The following IGF2R variants were observed in gnomAD, a reference collection of about 807,000 sequenced individuals.
IGF2R encodes cation-independent mannose-6-phosphate receptor.
Under a neutral mutation model 270.6 loss-of-function variants are expected in IGF2R, and 91 were observed. That is an observed-to-expected ratio of 0.34 (90% CI 0.28 to 0.40). IGF2R has a LOEUF of 0.40. IGF2R is among the 10% of genes least tolerant of loss of function. IGF2R has a pLI of 1.00. For synonymous variants in IGF2R, 1,316 were observed against 1,258.9 expected (o/e 1.05, Z -0.96); for missense variants, 2,805 against 3,188.3 (o/e 0.88, Z 2.90).
chr6:159,993,086 C>G (rs1327778691), intron 2 of IGF2R, among the ~76,000 whole-genome samples: 2 of 152,120 alleles, frequency 1.3e-5, no homozygotes, highest in African/African-American at 2.4e-5. Context: ...CCTTTGCCCT[C>G]TTTTTAAAGG....
At chr6:160,096,725 C>A in intron 45 of IGF2R, 100 bp downstream of exon 45, 1 of 988,702 alleles carries the variant, frequency 1.0e-6, no homozygotes, top group Non-Finnish European at 1.5e-6. Context: ...GTGAAATATT[C>A]AGAACATGCA....
intron 6 of IGF2R, among the ~76,000 whole-genome samples, chr6:160,029,070 G>A (rs1161699685): frequency 6.6e-6 from 1 of 152,032 alleles, no homozygotes. Flanking sequence ...TGCAACCTCC[G>A]CCTCCCTGTT....
intron 17 of IGF2R, among the ~76,000 whole-genome samples, 180 bp from the exon 18 acceptor site, chr6:160,048,195 G>A (rs940741593): frequency 1.3e-5 from 2 of 152,252 alleles, no homozygotes; most frequent in Non-Finnish European, 2.9e-5. Context: ...TGCATACTGA[G>A]TTCAGCGAAG....
rs1167237312 is a variant in IGF2R at position 160,083,165 on chromosome 6, A to G, written c.5834-785A>G. Among the ~76,000 whole-genome samples, 4 of 152,368 alleles carry G rather than the reference A, an allele frequency of 2.6e-5. No individual in the cohort carries two copies. In the East Asian group the frequency reaches 7.7e-4, roughly 29 times the overall value. On this transcript the variant is annotated intron_variant, in intron 39 of 47. Transcript: ENST00000356956. ...CAGGGTGATGATAAGGAGAAGGTCA[A>G]CAAAAAACATGTGAGCAAAAGAATC...
intron 2 of IGF2R, 115 bp from the exon 3 acceptor site, chr6:160,008,895 A>C (rs1301080147): frequency 8.4e-6 from 9 of 1,075,984 alleles, no homozygotes; most frequent in African/African-American, 1.6e-5. Context: ...CAGTTTTATA[A>C]ATTTATAAGC....
intron 10 of IGF2R, among the ~76,000 whole-genome samples, chr6:160,034,939 A>C (rs562420074): frequency 1.5e-4 from 23 of 152,222 alleles, no homozygotes; most frequent in African/African-American, 5.3e-4. Flanking sequence ...CAAAGTGGTG[A>C]CCCTATGGTA....
chr6:160,048,148 T>A (rs1226935874), intron 17 of IGF2R, among the ~76,000 whole-genome samples: 1 of 152,196 alleles, frequency 6.6e-6, no homozygotes, highest in Non-Finnish European at 1.5e-5. Flanking sequence ...AAACAATGAC[T>A]GTCAGTGCAG....
intron 45 of IGF2R, among the ~76,000 whole-genome samples, chr6:160,100,277 C>G (rs1351764126): frequency 2.6e-5 from 4 of 151,688 alleles, no homozygotes; most frequent in Non-Finnish European, 5.9e-5. Context: ...CAGAAAAGAC[C>G]AAAGTCAAAG....
In IGF2R at chr6:160,004,838, G is replaced by C. The variant is rs545075379; in HGVS notation, c.290-4172G>C. The C allele has an allele frequency of 6.6e-6, 1 of 152,374 alleles. No homozygotes were observed. Among genetic ancestry groups the C allele is most frequent in the Admixed American group, 6.5e-5 (1 of 15,286 alleles). 9.4% of individuals were successfully genotyped at this position (152,374 alleles called of 1,614,324 possible). ...ACCAGGGAAAGCCAAACACCAAAGC[G>C]CAGGGTTTTTGCTGGAGAGAGTGGA... On this transcript the variant is annotated intron_variant, in intron 2 of 47. Transcript: ENST00000356956. This position sits in a 1 kb window ranked among gnomAD's most constrained non-coding sequence, Gnocchi z 5.2.
intron 44 of IGF2R, among the ~76,000 whole-genome samples, chr6:160,091,684 C>CGAAG (rs1430709678): frequency 6.6e-6 from 1 of 152,250 alleles, no homozygotes; most frequent in Admixed American, 6.5e-5. Context: ...GTGAATCCTT[C>CGAAG]AGTCATTCAG....
intron 30 of IGF2R, among the ~76,000 whole-genome samples, chr6:160,068,704 G>A (rs905388635): frequency 5.9e-5 from 9 of 151,822 alleles, no homozygotes; most frequent in African/African-American, 4.8e-5. Flanking sequence ...GGGCCTCCTC[G>A]TGGGATGGTG....
Position 160,043,391 on chromosome 6 carries a change from C to T in IGF2R, c.1621+103C>T, listed in dbSNP as rs550989978. On this transcript the variant is annotated intron_variant, in intron 12 of 47. Transcript: ENST00000356956. ...TGTGGTTCATCTAAGCCTCCTCTTT[C>T]TATAATCACATGAAGGATGGTAAAA... The T allele has an allele frequency of 1.1e-5, 14 of 1,288,400 alleles. No homozygotes were observed. The East Asian group carries it at 3.1e-4, about 29-fold the overall frequency. 79.8% of individuals were successfully genotyped at this position (1,288,400 alleles called of 1,614,324 possible).
chr6:160,029,525 T>C (rs1562349075), intron 6 of IGF2R, 25 bp from the exon 7 acceptor site: 2 of 1,487,502 alleles, frequency 1.3e-6, no homozygotes, highest in East Asian at 2.3e-5. Context: ...TTTGTAATAC[T>C]CTTTTCTCAA....
At position 160,063,565 on chromosome 6, in the gene IGF2R, A is replaced by G; in HGVS notation, c.3821A>G (p.Asp1274Gly). 1 of 1,614,266 alleles carries G rather than the reference A, an allele frequency of 6.2e-7. No individual in the cohort carries two copies. Among genetic ancestry groups the G allele is most frequent in the Non-Finnish European group, 8.5e-7 (1 of 1,180,044 alleles). The change falls in exon 27 of 48, where the codon GAC becomes GGC. Residue 1274 changes from aspartate to glycine, a missense_variant. Around this residue, in one of 2 missense-constraint regions of IGF2R, gnomAD observed 1,851 missense variants for 2,207.2 expected, o/e 0.84. Coordinates refer to ENST00000356956, the MANE Select transcript of IGF2R (RefSeq NM_000876.4). ...TCCTCAGACGTCTGCCCCACAAGTGACAAGTCCAAGGTGGTCTCCTCATGT... is the reference window on the plus strand; with the variant it reads ...TCCTCAGACGTCTGCCCCACAAGTGGCAAGTCCAAGGTGGTCTCCTCATGT... ...KLSSDVCPTS[D>G]KSKVVSSCQE...
intron 13 of IGF2R, 87 bp downstream of exon 13, chr6:160,044,744 C>T (rs759969510): frequency 3.1e-5 from 32 of 1,022,746 alleles, no homozygotes; most frequent in Non-Finnish European, 4.5e-5. Flanking sequence ...TCAGTCACTG[C>T]AAAGCTGATC....
chr6:160,088,330 A>G (rs1260435944), intron 42 of IGF2R, among the ~76,000 whole-genome samples, 183 bp downstream of exon 42: 1 of 152,206 alleles, frequency 6.6e-6, no homozygotes, highest in African/African-American at 2.4e-5. Flanking sequence ...GTGCTGAGAC[A>G]CTGTTACAAG....
Position 160,080,356 on chromosome 6 carries a change from G to T in IGF2R, c.5833+81G>T, listed in dbSNP as rs1235764275. The T allele has an allele frequency of 5.2e-6, 7 of 1,358,278 alleles. No homozygotes were observed. The Admixed American group carries it at 6.6e-5, about 13-fold the overall frequency. 84.1% of individuals were successfully genotyped at this position (1,358,278 alleles called of 1,614,324 possible). A position where few individuals can be genotyped will look rare whatever the true frequency, so the allele number is the denominator to read the frequency against. On this transcript the variant is annotated intron_variant, in intron 39 of 47. Transcript: ENST00000356956. The stretch of plus-strand genomic sequence containing the variant: ...CTCGATTCACACTGAGACCTTTGTG[G>T]ATGCCCCAGTCAGTGGCAGGAATTC...
chr6:160,056,578 A>G, intron 20 of IGF2R, 53 bp downstream of exon 20: 6 of 1,161,784 alleles, frequency 5.2e-6, no homozygotes, highest in East Asian at 2.3e-5. Context: ...GGACATCCTC[A>G]ACTCACCCCA....
intron 1 of IGF2R, among the ~76,000 whole-genome samples, chr6:159,990,172 G>A (rs912615691): frequency 6.6e-6 from 1 of 152,196 alleles, no homozygotes; most frequent in African/African-American, 2.4e-5. Context: ...ATTTTGGTGT[G>A]ATTGGAAAGG....
Sources: gnomAD v4.1 joint callset for allele counts (sites outside exome capture counted in the v4.1 genomes callset) on GRCh38, gnomAD v4.1.1 for gene constraint, gnomAD v4.1.1 regional missense constraint, Gnocchi (gnomAD v3.1) non-coding constraint, MANE v1.5 for transcripts, NCBI Gene and HGNC (gene_info 2026-07-23, HGNC 2026-07-21) for gene names.